COMMD5: variants seen among roughly 807,000 people sequenced by gnomAD.
COMMD5 encodes COMM domain containing 5.
A neutral mutation model predicts 6.9 loss-of-function variants in COMMD5; 10 were observed. The ratio of observed to expected loss-of-function variants is 1.44; its 90% CI spans 0.89 to 2.45. The LOEUF is 2.45. Among genes scored for constraint, COMMD5 ranks in the 30% most tolerant of loss-of-function variants. COMMD5 has a pLI of 0.00. For missense variants in COMMD5, 234 were observed against 287.8 expected, an observed-to-expected ratio of 0.81 and a Z score of 1.35; for synonymous variants, 127 against 125.3, an observed-to-expected ratio of 1.01 and a Z score of -0.09.
chr8:144,845,970 C>G, downstream of COMMD5: 1 of 1,535,996 alleles, frequency 6.5e-7, no homozygotes, highest in South Asian at 1.2e-5. Context: ...TGCTTTTTCT[C>G]TACTTCAGGC....
downstream of COMMD5, among the ~76,000 whole-genome samples, chr8:144,849,027 G>C (rs1372728813): frequency 6.6e-6 from 1 of 152,238 alleles, no homozygotes; most frequent in Non-Finnish European, 1.5e-5. Context: ...AGGTCAGCCT[G>C]AGGACCGAGG....
downstream of COMMD5, among the ~76,000 whole-genome samples, chr8:144,848,489 C>T (rs1448724493): frequency 1.4e-5 from 2 of 138,624 alleles, no homozygotes; most frequent in African/African-American, 2.7e-5. Flanking sequence ...AGGAGTGAAA[C>T]TCCCGTCTCA....
chr8:144,848,698 G>A (rs879032835), downstream of COMMD5, among the ~76,000 whole-genome samples: 1 of 152,154 alleles, frequency 6.6e-6, no homozygotes, highest in Admixed American at 6.5e-5. Context: ...GCTCCACGCT[G>A]TAGGGATCTC....
rs1830694146 is a variant in COMMD5 at position 144,850,694 on chromosome 8, C to G, written c.645G>C (p.Glu215Asp). 3 of 1,613,832 alleles carry G rather than the reference C, an allele frequency of 1.9e-6. No homozygotes were observed. The South Asian group carries it at 3.3e-5, about 18-fold the overall frequency. The change falls in exon 2 of 2, where the codon GAG (glutamate) becomes GAC (aspartate). Residue 215 changes from glutamate (E) to aspartate (D), a missense_variant. Coordinates refer to ENST00000305103, the MANE Select transcript of COMMD5 (RefSeq NM_014066.4). This position sits in a 1 kb window ranked among gnomAD's most constrained non-coding sequence, Gnocchi z 4.0. Reference protein sequence around the residue: ...ALVLKEMADLEKRCERRLQD With the variant: ...ALVLKEMADLDKRCERRLQD ...CCTGCAGTCTGCGCTCACACCTCTT[C>G]TCCAGATCTGCCATCTCCTTTAGGA...
At position 144,851,044 on chromosome 8, in the gene COMMD5, G is replaced by C. The variant is rs999376368; in HGVS notation, c.295C>G (p.Leu99Val). 4.3e-6 allele frequency: 7 copies of C among 1,612,566 alleles called. No individual in the cohort carries two copies. The highest frequency in any genetic ancestry group is 1.3e-5 in the African/African-American group (1 of 75,054). ...MHTLLQQALR[L>V]PPTSLKPDTF... ...TCAGGCTTCAGGCTGGTGGGGGGCAGACGGAGGGCCTGCTGGAGCAGTGTG... is the reference window on the plus strand; with the variant it reads ...TCAGGCTTCAGGCTGGTGGGGGGCACACGGAGGGCCTGCTGGAGCAGTGTG... Residue 99 changes from leucine to valine, a missense_variant, in exon 2 of 2, where the codon CTG becomes GTG. Leu to Val is a conservative substitution (Grantham distance 32). Transcript: ENST00000305103.
downstream of COMMD5, among the ~76,000 whole-genome samples, chr8:144,840,167 A>T (rs1355476973): frequency 6.6e-6 from 1 of 152,228 alleles, no homozygotes; most frequent in East Asian, 1.9e-4. Flanking sequence ...CTGTTGAAAG[A>T]GCAGGCATGC....
At chr8:144,852,533 C>CTT in intron 1 of COMMD5, 1 of 152,416 alleles carries the variant, frequency 6.6e-6, no homozygotes, top group South Asian at 2.1e-4. Flanking sequence ...CTGGGGGAGC[C>CTT]CAGGAGCTCC....
At chr8:144,853,216 T>A (rs1422510599), upstream of COMMD5, 1 of 151,738 alleles carries the variant, frequency 6.6e-6, no homozygotes, top group Non-Finnish European at 1.5e-5. Context: ...AGACAGTTTT[T>A]TTTTTTTCTT....
chr8:144,846,512 C>G (rs1043381443), downstream of COMMD5: 3 of 228,608 alleles, frequency 1.3e-5, no homozygotes, highest in African/African-American at 6.7e-5. Flanking sequence ...GCCAAGTCAC[C>G]TTGAACTTGG....
At chr8:144,845,867 C>T (rs1224814502), downstream of COMMD5, 10 of 1,058,914 alleles carry the variant, frequency 9.4e-6, no homozygotes, top group East Asian at 1.6e-4. Context: ...GTGCAGTGTC[C>T]CTGCCTTGCG....
chr8:144,841,962 A>G, intron 1 of COMMD5: 1 of 1,614,168 alleles, frequency 6.2e-7, no homozygotes, highest in Non-Finnish European at 8.5e-7. Flanking sequence ...AGTGTGGAAA[A>G]GCCTTCCGCC....
At chr8:144,839,958 A>AGAT (rs1275115810), downstream of COMMD5, among the ~76,000 whole-genome samples, 1 of 151,998 alleles carries the variant, frequency 6.6e-6, no homozygotes, top group Non-Finnish European at 1.5e-5. Context: ...TTATTTTTTG[A>AGAT]GATGGAGTCT....
At chr8:144,845,833 A>C (rs761560934), downstream of COMMD5, 44 of 744,022 alleles carry the variant, frequency 5.9e-5, no homozygotes, top group Non-Finnish European at 8.4e-5. Flanking sequence ...CTCACACCGG[A>C]ACTTCTGTGC....
In COMMD5 at chr8:144,841,393, G is replaced by A. The variant is rs1350001861; in HGVS notation, c.*467C>T. 4.3e-6 allele frequency: 7 copies of A among 1,612,664 alleles called. No homozygotes were observed. In the South Asian group the frequency reaches 7.7e-5, roughly 18 times the overall value. On this transcript the variant is annotated 3_prime_UTR_variant and NMD_transcript_variant, in exon 2 of 2. Coordinates refer to the COMMD5 transcript ENST00000530332. ...GACTGAAAATGAGCAGGCCTGTGAGGACATGGACATCCTAAAATCAGAATC... is the reference window on the plus strand; with the variant it reads ...GACTGAAAATGAGCAGGCCTGTGAGAACATGGACATCCTAAAATCAGAATC...
intron 1 of COMMD5, among the ~76,000 whole-genome samples, chr8:144,852,162 G>C (rs1185748872): frequency 2.3e-5 from 3 of 131,912 alleles, no homozygotes; most frequent in Non-Finnish European, 3.2e-5. Context: ...CGAACGAATG[G>C]AGGGAGGGGG....
At chr8:144,852,206 G>A (rs907859671) in intron 1 of COMMD5, among the ~76,000 whole-genome samples, 1 of 151,994 alleles carries the variant, frequency 6.6e-6, no homozygotes, top group Non-Finnish European at 1.5e-5. Flanking sequence ...GAAAAGAAAA[G>A]TAAAAAGAAA....
chr8:144,843,263 A>ATGT, intron 1 of COMMD5: 2 of 1,393,988 alleles, frequency 1.4e-6, no homozygotes, highest in Non-Finnish European at 1.9e-6. Flanking sequence ...AACATGTAGA[A>ATGT]TGTTGGTAAA....
exon 2 of COMMD5, chr8:144,841,702 G>A (rs542142378): frequency 1.1e-5 from 18 of 1,614,180 alleles, no homozygotes; most frequent in South Asian, 7.7e-5. Context: ...CCAGAGATGC[G>A]AGGAGTGTGG....
downstream of COMMD5, among the ~76,000 whole-genome samples, chr8:144,839,226 C>T (rs1159761209): frequency 1.3e-5 from 2 of 152,144 alleles, no homozygotes; most frequent in African/African-American, 4.8e-5. Context: ...TGTGACCTTA[C>T]TTCCATTCAT....
Sources: gnomAD v4.1 joint callset for allele counts (sites outside exome capture counted in the v4.1 genomes callset) on GRCh38, gnomAD v4.1.1 for gene constraint, Gnocchi (gnomAD v3.1) non-coding constraint, MANE v1.5 for transcripts, NCBI Gene and HGNC (gene_info 2026-07-23, HGNC 2026-07-21) for gene names.